SMCHD1: variants seen among roughly 807,000 people sequenced by gnomAD.
The protein encoded by SMCHD1 is structural maintenance of chromosomes flexible hinge domain-containing protein 1.
A neutral mutation model predicts 254.7 loss-of-function variants in SMCHD1; 78 were observed. The ratio of observed to expected loss-of-function variants is 0.31; its 90% CI spans 0.26 to 0.37. The LOEUF (loss-of-function observed/expected upper bound fraction) is 0.37. Among genes scored for constraint, SMCHD1 ranks in the 10% least tolerant of loss-of-function variants. The pLI is 1.00. For synonymous variants in SMCHD1, 766 were observed against 794.9 expected (o/e 0.96, Z 0.61); for missense variants, 1,840 against 2,408.1 (o/e 0.76, Z 4.94).
intron 37 of SMCHD1, chr18:2,764,010 G>A (rs1464030016): frequency 2.4e-6 from 1 of 415,718 alleles, no homozygotes; most frequent in Non-Finnish European, 4.2e-6. Flanking sequence ...AGCTTTCTCT[G>A]ATTCTAGTTG....
At chr18:2,784,667 C>G in intron 45 of SMCHD1, 46 bp downstream of exon 45, 1 of 1,481,194 alleles carries the variant, frequency 6.8e-7, no homozygotes, top group South Asian at 1.4e-5. Flanking sequence ...TTTAATTTTA[C>G]TCTTATTTTT....
intron 41 of SMCHD1, 144 bp from the exon 42 acceptor site, chr18:2,775,590 G>C (rs2076053899): frequency 1.7e-6 from 1 of 577,296 alleles, no homozygotes; most frequent in African/African-American, 2.0e-5. Flanking sequence ...ATATATTCAA[G>C]TTAAGTTTTT....
chr18:2,804,065 G>A lies in SMCHD1; in HGVS notation c.*1513G>A, dbSNP rs1320105951. On this transcript the variant is annotated 3_prime_UTR_variant, in exon 48 of 48. Transcript: ENST00000320876. ...GGATACTCACCCCGTACCAATATTT[G>A]GAGTCCTTAGACATTAGATTATATG... 6.6e-6 allele frequency: 1 copy of A among 152,068 alleles called. No homozygotes were observed. 9.4% of individuals were successfully genotyped at this position (152,068 alleles called of 1,614,324 possible). A position where few individuals can be genotyped will look rare whatever the true frequency, so the allele number is the denominator to read the frequency against.
chr18:2,694,433 T>TC, intron 7 of SMCHD1, 94 bp from the exon 8 acceptor site: 1 of 1,100,258 alleles, frequency 9.1e-7, no homozygotes, highest in Non-Finnish European at 1.3e-6. Context: ...TTTGTGAAAC[T>TC]CCAAGTAAAT....
rs547120356 is a variant in SMCHD1, at chr18:2,665,888, C to G, written c.187-269C>G. Among the ~76,000 whole-genome samples the G allele has an allele frequency of 2.8e-4, 42 of 152,182 alleles. No homozygotes were observed. In the South Asian group the frequency reaches 7.7e-3, roughly 28 times the overall value. On this transcript the variant is annotated intron_variant, in intron 1 of 47. Transcript: ENST00000320876. ...GGGTCCTGCTGATGATGTTAAAATGCTTTTAAAACGTTCCACCTAATCACT... is the reference window on the plus strand; with the variant it reads ...GGGTCCTGCTGATGATGTTAAAATGGTTTTAAAACGTTCCACCTAATCACT...
At chr18:2,701,216 A>G (rs945667775) in intron 12 of SMCHD1, 1 of 182,574 alleles carries the variant, frequency 5.5e-6, no homozygotes, top group Admixed American at 6.0e-5. Context: ...GCTGGATTGC[A>G]GTGGCTCAAT....
intron 34 of SMCHD1, chr18:2,753,066 G>A (rs974414644): frequency 6.3e-6 from 1 of 159,740 alleles, no homozygotes; most frequent in African/African-American, 2.4e-5. Context: ...ACCTCTTCCA[G>A]TTATTACCGT....
intron 30 of SMCHD1, among the ~76,000 whole-genome samples, chr18:2,748,390 A>AAATTTTT (rs781543959): frequency 1.1e-5 from 1 of 92,700 alleles, no homozygotes; most frequent in Non-Finnish European, 1.9e-5. Context: ...GTGTATATAA[A>AAATTTTT]TTTTTTTTTT....
chr18:2,722,743 T>C (rs1352096488), intron 20 of SMCHD1, 80 bp downstream of exon 20: 1 of 1,244,494 alleles, frequency 8.0e-7, no homozygotes, highest in Admixed American at 2.6e-5. Context: ...ATTTTTTTTG[T>C]GTGTAAGGTG....
At chr18:2,710,520 C>T (rs2074642782) in intron 17 of SMCHD1, among the ~76,000 whole-genome samples, 1 of 152,168 alleles carries the variant, frequency 6.6e-6, no homozygotes, top group Non-Finnish European at 1.5e-5. Flanking sequence ...AATCCGTGAA[C>T]ATGATTTTGT....
chr18:2,713,062 C>T (rs903188283), intron 17 of SMCHD1, among the ~76,000 whole-genome samples: 3 of 152,146 alleles, frequency 2.0e-5, no homozygotes, highest in Non-Finnish European at 4.4e-5. Flanking sequence ...ATTTGGAAAG[C>T]GTCAGGTAGT....
At chr18:2,742,751 A>T (rs943775549) in intron 28 of SMCHD1, among the ~76,000 whole-genome samples, 2 of 152,096 alleles carry the variant, frequency 1.3e-5, no homozygotes, top group Non-Finnish European at 2.9e-5. Flanking sequence ...AATATGGCTC[A>T]CTGTAGCTTC....
intron 44 of SMCHD1, among the ~76,000 whole-genome samples, chr18:2,780,381 A>C (rs1351912365): frequency 6.6e-6 from 1 of 152,146 alleles, no homozygotes; most frequent in Admixed American, 6.6e-5. Context: ...TTGTAAACCT[A>C]ATATTAAGTA....
At chr18:2,684,578 A>T (rs901153701) in intron 5 of SMCHD1, among the ~76,000 whole-genome samples, 5 of 152,014 alleles carry the variant, frequency 3.3e-5, no homozygotes, top group African/African-American at 9.7e-5. Context: ...TGTTTAGATC[A>T]GTTGCTTTTA....
At chr18:2,784,902 A>T (rs1004289526) in intron 45 of SMCHD1, 3 of 475,870 alleles carry the variant, frequency 6.3e-6, no homozygotes, top group African/African-American at 4.0e-5. Flanking sequence ...GCTTGAGCCC[A>T]GGAGTTTGAG....
intron 41 of SMCHD1, among the ~76,000 whole-genome samples, chr18:2,773,102 T>G (rs1335662007): frequency 1.3e-5 from 2 of 152,216 alleles, no homozygotes; most frequent in Non-Finnish European, 2.9e-5. Context: ...TTCACAAATA[T>G]ACTGTCCACT....
chr18:2,712,231 CTT>C (rs35669047), intron 17 of SMCHD1, among the ~76,000 whole-genome samples: 32 of 142,062 alleles, frequency 2.3e-4, no homozygotes, highest in Non-Finnish European at 1.8e-4. Flanking sequence ...TTTCTTTTTC[CTT>C]TTTTTTTTTT....
intron 27 of SMCHD1, among the ~76,000 whole-genome samples, chr18:2,739,750 CTTT>C (rs1325649351): frequency 1.3e-5 from 2 of 152,000 alleles, no homozygotes; most frequent in Non-Finnish European, 2.9e-5. Flanking sequence ...AAAATCTTGT[CTTT>C]TGTTAGAAGT....
chr18:2,662,927 T>C (rs1182218903), intron 1 of SMCHD1, among the ~76,000 whole-genome samples: 1 of 152,198 alleles, frequency 6.6e-6, no homozygotes, highest in Non-Finnish European at 1.5e-5. Context: ...GTTTGACTTT[T>C]TTTCAGTCAT....
Sources: allele counts gnomAD v4.1 joint callset (sites outside exome capture counted in the v4.1 genomes callset), GRCh38; gene constraint gnomAD v4.1.1; transcripts MANE v1.5; gene names NCBI Gene and HGNC (gene_info 2026-07-23, HGNC 2026-07-21).